KCNQ5: variants seen among roughly 807,000 people sequenced by gnomAD.
The protein encoded by KCNQ5 is potassium voltage-gated channel subfamily KQT member 5.
KCNQ5 carries 30 observed loss-of-function variants against 98.2 expected under a neutral mutation model. That is an observed-to-expected ratio of 0.31 (90% confidence interval 0.23 to 0.41). KCNQ5 has a LOEUF of 0.41. KCNQ5 is among the 10% of genes least tolerant of loss of function. The probability of loss-of-function intolerance (pLI) is 1.00; values close to 1 mark genes in which losing one functional copy is unlikely to be tolerated. For missense variants in KCNQ5, 835 were observed against 1,182.5 expected, an observed-to-expected ratio of 0.71 and a Z score of 4.31; for synonymous variants, 458 against 449.4, an observed-to-expected ratio of 1.02 and a Z score of -0.24.
intron 10 of KCNQ5, chr6:73,133,925 G>A (rs1408331737): frequency 1.8e-6 from 1 of 550,022 alleles, no homozygotes; most frequent in Non-Finnish European, 3.6e-6. Context: ...TCTCAGACAA[G>A]GGCCACATTA....
intron 1 of KCNQ5, among the ~76,000 whole-genome samples, chr6:72,929,004 G>A (rs566107854): frequency 3.3e-4 from 50 of 152,170 alleles, no homozygotes; most frequent in African/African-American, 1.2e-3. Flanking sequence ...AATTCCTTAA[G>A]TCATGCGTAT....
intron 1 of KCNQ5, among the ~76,000 whole-genome samples, chr6:72,670,617 C>T (rs1266226862): frequency 6.6e-6 from 1 of 152,206 alleles, no homozygotes; most frequent in Non-Finnish European, 1.5e-5. Context: ...AATTTATTTT[C>T]TCACAGTTCT....
At chr6:72,667,827 A>G (rs12201380) in intron 1 of KCNQ5, among the ~76,000 whole-genome samples, 26,654 of 152,210 alleles carry the variant, frequency 0.18, 2,479 homozygotes, top group Middle Eastern at 0.27. Context: ...CTAATGAGAA[A>G]ATATCAGATG....
In KCNQ5 at chr6:73,197,618, CACACACACACACACACACACA is replaced by C. The variant is rs1562231974; in HGVS notation, c.*2205_*2225del. 6 of 148,946 alleles carry C rather than the reference CACACACACACACACACACACA, an allele frequency of 4.0e-5. No homozygotes were observed. The highest frequency in any genetic ancestry group is 2.1e-4 in the South Asian group (1 of 4,688). The allele number at this position is 148,946 out of a possible 1,614,324, so 9.2% of individuals were successfully genotyped here. A position where few individuals can be genotyped will look rare whatever the true frequency, so the allele number is the denominator to read the frequency against. ...ACACACACACACACACACACACACACACACACACACACACACACACACACCCCTCCACTGACCTAAAGCCAG... is the reference window on the plus strand; with the variant it reads ...ACACACACACACACACACACACACACCACCCCTCCACTGACCTAAAGCCAG... On this transcript the variant is annotated 3_prime_UTR_variant, in exon 14 of 14. Coordinates refer to ENST00000370398, the MANE Select transcript of KCNQ5 (RefSeq NM_019842.4).
intron 1 of KCNQ5, among the ~76,000 whole-genome samples, chr6:72,872,557 G>GAATAA (rs1334752794): frequency 2.6e-5 from 4 of 152,072 alleles, no homozygotes; most frequent in Non-Finnish European, 4.4e-5. Context: ...CCTCTCAAAA[G>GAATAA]CTCTGTTAGG....
intron 1 of KCNQ5, among the ~76,000 whole-genome samples, chr6:72,733,258 A>G (rs147917744): frequency 5.3e-5 from 8 of 152,320 alleles, no homozygotes; most frequent in South Asian, 2.1e-4. Flanking sequence ...GAGACAGAGA[A>G]GGAACCAAAA....
chr6:73,117,450 T>C (rs9360640), intron 7 of KCNQ5, among the ~76,000 whole-genome samples: 111,769 of 152,114 alleles, frequency 0.73, 45,929 homozygotes, highest in South Asian at 0.94. Flanking sequence ...TGGGATCAAT[T>C]TGAGAGAAAA....
intron 1 of KCNQ5, among the ~76,000 whole-genome samples, chr6:72,917,322 T>G (rs9446790): frequency 0.29 from 44,795 of 151,962 alleles, 6,978 homozygotes; most frequent in East Asian, 0.48. Context: ...TTTTTAAAAG[T>G]GTGAATGTAA....
chr6:73,075,360 T>C (rs1188949930), intron 3 of KCNQ5, among the ~76,000 whole-genome samples: 4 of 151,944 alleles, frequency 2.6e-5, no homozygotes, highest in Admixed American at 6.6e-5. Flanking sequence ...GTAGCTGGGA[T>C]TACAGGCACG....
At chr6:72,784,847 T>A (rs1773654382) in intron 1 of KCNQ5, among the ~76,000 whole-genome samples, 1 of 152,226 alleles carries the variant, frequency 6.6e-6, no homozygotes, top group Admixed American at 6.5e-5. Context: ...AATTCACTAT[T>A]CTAGCCTCCG....
At chr6:72,915,616 C>T (rs1780101684) in intron 1 of KCNQ5, among the ~76,000 whole-genome samples, 2 of 152,004 alleles carry the variant, frequency 1.3e-5, no homozygotes, top group African/African-American at 4.8e-5. Context: ...TTTGTCTATG[C>T]TAAGAACTTA....
chr6:73,067,863 GAT>G (rs71695883), intron 3 of KCNQ5, among the ~76,000 whole-genome samples: 321 of 4,238 alleles, frequency 0.076, no homozygotes, highest in Admixed American at 0.16. Context: ...TTGGACAAAA[GAT>G]ATATATATAT....
intron 1 of KCNQ5, among the ~76,000 whole-genome samples, chr6:72,972,618 T>A (rs1327922025): frequency 6.6e-6 from 1 of 152,054 alleles, no homozygotes; most frequent in Non-Finnish European, 1.5e-5. Context: ...CCTGTGTTAG[T>A]TTGCTGAGGA....
chr6:73,047,101 G>A (rs1317963199), intron 3 of KCNQ5, among the ~76,000 whole-genome samples: 1 of 152,090 alleles, frequency 6.6e-6, no homozygotes, highest in Non-Finnish European at 1.5e-5. Context: ...CTGGAAAATT[G>A]TCTTTACTGT....
intron 1 of KCNQ5, among the ~76,000 whole-genome samples, chr6:72,636,175 T>A (rs192452559): frequency 6.6e-6 from 1 of 152,180 alleles, no homozygotes. Context: ...TTATGCCATG[T>A]GGAATTATTA....
intron 1 of KCNQ5, among the ~76,000 whole-genome samples, chr6:72,908,173 A>G (rs1463316422): frequency 1.3e-5 from 2 of 152,096 alleles, no homozygotes; most frequent in African/African-American, 2.4e-5. Flanking sequence ...ATACACAGAA[A>G]TAGAAAATGA....
intron 1 of KCNQ5, among the ~76,000 whole-genome samples, chr6:72,977,074 T>G (rs1449243120): frequency 6.6e-6 from 1 of 152,246 alleles, no homozygotes; most frequent in African/African-American, 2.4e-5. Context: ...CGAAAACTTG[T>G]AAAATTATGT....
intron 9 of KCNQ5, among the ~76,000 whole-genome samples, chr6:73,125,929 G>C (rs1337890932): frequency 6.6e-6 from 1 of 152,174 alleles, no homozygotes; most frequent in Non-Finnish European, 1.5e-5. Context: ...TTTGACCAAA[G>C]AGAGGTTCTA....
At chr6:72,979,237 T>C (rs919086284) in intron 1 of KCNQ5, among the ~76,000 whole-genome samples, 1 of 152,234 alleles carries the variant, frequency 6.6e-6, no homozygotes, top group Non-Finnish European at 1.5e-5. Flanking sequence ...TTCTAGATCC[T>C]TGTGGAATCG....
Sources: gnomAD v4.1 joint callset for allele counts (sites outside exome capture counted in the v4.1 genomes callset) on GRCh38, gnomAD v4.1.1 for gene constraint, MANE v1.5 for transcripts, NCBI Gene and HGNC (gene_info 2026-07-23, HGNC 2026-07-21) for gene names.